Variants in ATP8B1 observed in about 807,000 individuals in gnomAD.
The protein encoded by ATP8B1 is phospholipid-transporting ATPase IC.
Under a neutral mutation model 149.9 loss-of-function variants are expected in ATP8B1, and 80 were observed. The observed-to-expected ratio is 0.53, with a 90% CI of 0.45 to 0.64. ATP8B1 has a LOEUF of 0.64. Ranked by LOEUF, ATP8B1 falls within the 30% of genes least tolerant of loss-of-function variation. The pLI is 0.00. For missense variants in ATP8B1, 1,247 were observed against 1,552.6 expected (o/e 0.80, Z 3.31); for synonymous variants, 536 against 562.8 (o/e 0.95, Z 0.67).
At chr18:57,785,224 C>A (rs958185593) in intron 1 of ATP8B1, among the ~76,000 whole-genome samples, 1 of 152,194 alleles carries the variant, frequency 6.6e-6, no homozygotes, top group East Asian at 1.9e-4. Context: ...ACAACATAAA[C>A]CCAAAATAGA....
At chr18:57,764,359 CTCTTTCTT>C (rs1198474959) in intron 1 of ATP8B1, among the ~76,000 whole-genome samples, 1 of 144,594 alleles carries the variant, frequency 6.9e-6, no homozygotes, top group Admixed American at 7.1e-5. Flanking sequence ...CTTTCTCTCC[CTCTTTCTT>C]TCTTTCTTTC....
In ATP8B1 at chr18:57,727,500, T is replaced by C. The variant is rs533588493; in HGVS notation, c.181+4127A>G. 3.9e-5 allele frequency among the ~76,000 whole-genome samples: 6 copies of C among 152,132 alleles called. No individual in the cohort carries two copies. In the South Asian group the frequency reaches 1.2e-3, roughly 32 times the overall value. On this transcript the variant is annotated intron_variant, in intron 2 of 27. Transcript: ENST00000648908. Reference sequence around the variant, plus strand: ...AATTCCAGATTATTTTATGAAGATATCACTTTAAGGCCGGGTGTGGTAGCT... The same window carrying C: ...AATTCCAGATTATTTTATGAAGATACCACTTTAAGGCCGGGTGTGGTAGCT...
chr18:57,752,567 G>C (rs1228289113), intron 1 of ATP8B1, among the ~76,000 whole-genome samples: 1 of 152,008 alleles, frequency 6.6e-6, no homozygotes, highest in Non-Finnish European at 1.5e-5. Flanking sequence ...CATTTCATCA[G>C]AAATTCAGTA....
chr18:57,674,983 G>C lies in ATP8B1; in HGVS notation c.1670C>G (p.Ala557Gly), dbSNP rs779106666. The C allele has an allele frequency of 3.7e-6, 6 of 1,614,222 alleles. No homozygotes were observed. Among genetic ancestry groups the C allele is most frequent in the Non-Finnish European group, 3.4e-6 (4 of 1,180,032 alleles). Residue 557 changes from alanine (A) to glycine (G), a missense_variant, in exon 16 of 28, where the codon GCC (alanine) becomes GGC (glycine). By Grantham distance (60) the Ala-to-Gly change is moderately conservative. Around this residue, in one of 3 missense-constraint regions of ATP8B1, gnomAD observed 853 missense variants for 1,035.7 expected, o/e 0.82. Coordinates refer to ENST00000648908, the MANE Select transcript of ATP8B1 (RefSeq NM_001374385.1). ...AAAGTTCCTGGCAGCGTTTACCAGG[G>C]CACCTTCATCGGGAGAGGCTGCCTG... ...NYQAASPDEGALVNAARNFGF... is the reference protein window; with the variant it reads ...NYQAASPDEGGLVNAARNFGF...
chr18:57,738,023 G>A (rs1291796915), intron 1 of ATP8B1: 3 of 152,182 alleles, frequency 2.0e-5, no homozygotes, highest in Non-Finnish European at 4.4e-5. Context: ...GGAGGAATTT[G>A]GCTCTGTCAT....
intron 1 of ATP8B1, among the ~76,000 whole-genome samples, chr18:57,771,358 T>C (rs541099070): frequency 1.3e-5 from 2 of 152,310 alleles, no homozygotes; most frequent in South Asian, 2.1e-4. Context: ...AAGCGTGATA[T>C]AGTCTACCTC....
In ATP8B1 at chr18:57,661,674, T is replaced by TACACACAC. The variant is rs1360057007; in HGVS notation, c.2419-213_2419-212insGTGTGTGT. On this transcript the variant is annotated intron_variant, in intron 21 of 27. Coordinates refer to ENST00000648908, the MANE Select transcript of ATP8B1 (RefSeq NM_001374385.1). Reference sequence around the variant, plus strand: ...ACACATATATGTATGTGTGTATGTATATACACACACACACACACACACATA... The same window carrying TACACACAC: ...ACACATATATGTATGTGTGTATGTATACACACACATACACACACACACACACACACATA... 9.0e-3 allele frequency among the ~76,000 whole-genome samples: 354 copies of TACACACAC among 39,440 alleles called. 1 individual carries two copies. The highest frequency in any genetic ancestry group is 0.029 in the African/African-American group (279 of 9,504). The allele number at this position is 39,440 out of a possible 152,430, so 25.9% of individuals were successfully genotyped here.
chr18:57,734,253 A>G (rs970422349), intron 1 of ATP8B1, among the ~76,000 whole-genome samples: 45 of 152,066 alleles, frequency 3.0e-4, no homozygotes, highest in Non-Finnish European at 4.6e-4. Flanking sequence ...GCAGTGGTGC[A>G]ATCTCGGCTC....
chr18:57,672,908 ATATATATATATATATATATATAT>A lies in ATP8B1; in HGVS notation c.1820-1351_1820-1329del, dbSNP rs1568189229. On this transcript the variant is annotated intron_variant, in intron 16 of 27. Coordinates refer to ENST00000648908, the MANE Select transcript of ATP8B1 (RefSeq NM_001374385.1). The stretch of plus-strand genomic sequence containing the variant: ...AAAGTATATATATATATATATATAT[ATATATATATATATATATATATAT>A]AACATGTATATACACATATATACAT... 2.8e-4 allele frequency among the ~76,000 whole-genome samples: 21 copies of A among 74,338 alleles called. 2 individuals carry two copies. The highest frequency in any genetic ancestry group is 5.8e-4 in the African/African-American group (13 of 22,226). The allele number at this position is 74,338 out of a possible 152,430, so 48.8% of individuals were successfully genotyped here. A position where few individuals can be genotyped will look rare whatever the true frequency, so the allele number is the denominator to read the frequency against.
chr18:57,781,236 G>A (rs1351561563), intron 1 of ATP8B1, among the ~76,000 whole-genome samples: 3 of 152,182 alleles, frequency 2.0e-5, no homozygotes, highest in African/African-American at 7.2e-5. Context: ...CTCAGAAGTT[G>A]GGACTGAGTT....
At chr18:57,675,214 A>C (rs1327448451) in intron 15 of ATP8B1, among the ~76,000 whole-genome samples, 192 bp from the exon 16 acceptor site, 1 of 152,266 alleles carries the variant, frequency 6.6e-6, no homozygotes, top group African/African-American at 2.4e-5. Flanking sequence ...TGACTTATAA[A>C]CAGTAATATA....
At chr18:57,737,516 T>C (rs748276070) in intron 1 of ATP8B1, among the ~76,000 whole-genome samples, 1 of 151,772 alleles carries the variant, frequency 6.6e-6, no homozygotes, top group Non-Finnish European at 1.5e-5. Context: ...GCCTCCCTAG[T>C]AACTAGGACT....
chr18:57,661,713 ATTTTTTTTT>A (rs759201755), intron 21 of ATP8B1, among the ~76,000 whole-genome samples: 1 of 92,670 alleles, frequency 1.1e-5, no homozygotes. Context: ...ATATATATAT[ATTTTTTTTT>A]TTTTTTTTTT....
At chr18:57,654,139 T>C in intron 23 of ATP8B1, 64 bp from the exon 24 acceptor site, 1 of 1,312,678 alleles carries the variant, frequency 7.6e-7, no homozygotes, top group Admixed American at 1.7e-5. Context: ...AGTTAGCACA[T>C]ACTCATCTGC....
intron 27 of ATP8B1, among the ~76,000 whole-genome samples, chr18:57,650,063 C>A (rs756225487): frequency 7.3e-4 from 111 of 152,172 alleles, no homozygotes; most frequent in Non-Finnish European, 1.4e-3. Flanking sequence ...AGAAAAAAAA[C>A]CCAATCTGAT....
At chr18:57,764,153 C>T (rs940084238) in intron 1 of ATP8B1, among the ~76,000 whole-genome samples, 3 of 152,222 alleles carry the variant, frequency 2.0e-5, no homozygotes, top group African/African-American at 7.2e-5. Flanking sequence ...TCCCCACGAT[C>T]CATCTGGCAT....
In ATP8B1 at chr18:57,738,282, C is replaced by T. The variant is rs1313497201; in HGVS notation, c.-25-6450G>A. 3.3e-5 allele frequency among the ~76,000 whole-genome samples: 5 copies of T among 152,208 alleles called. No individual in the cohort carries two copies. The South Asian group carries it at 1.0e-3, about 32-fold the overall frequency. ...ACACTAGGCACAGGGAACAGAGCTA[C>T]TGACTGACTGCCAGAGTTTCGAAGA... On this transcript the variant is annotated intron_variant, in intron 1 of 27. Coordinates refer to ENST00000648908, the MANE Select transcript of ATP8B1 (RefSeq NM_001374385.1).
chr18:57,758,254 T>C (rs1212044801), intron 1 of ATP8B1, among the ~76,000 whole-genome samples: 2 of 152,156 alleles, frequency 1.3e-5, no homozygotes, highest in East Asian at 1.9e-4. Context: ...CAAGTAACCC[T>C]CCTCACATAT....
intron 2 of ATP8B1, among the ~76,000 whole-genome samples, chr18:57,727,704 G>A (rs960535893): frequency 3.3e-5 from 5 of 152,078 alleles, no homozygotes; most frequent in Admixed American, 6.6e-5. Context: ...CAGGAGAATC[G>A]CTTGAACCCA....
Sources: allele counts gnomAD v4.1 joint callset (sites outside exome capture counted in the v4.1 genomes callset), GRCh38; gene constraint gnomAD v4.1.1; regional missense constraint gnomAD v4.1.1; transcripts MANE v1.5; gene names NCBI Gene and HGNC (gene_info 2026-07-23, HGNC 2026-07-21).